The following PARP4 variants were observed in gnomAD, a reference collection of about 807,000 sequenced individuals.
The protein encoded by PARP4 is poly(ADP-ribose) polymerase family member 4, also known as protein mono-ADP-ribosyltransferase PARP4.
A neutral mutation model predicts 187.7 loss-of-function variants in PARP4; 120 were observed. That is an observed-to-expected ratio of 0.64 (90% CI 0.55 to 0.74). The LOEUF is 0.74. PARP4 is among the 30% of genes least tolerant of loss of function. The pLI is 0.00. For missense variants in PARP4, 1,836 were observed against 2,070.5 expected (o/e 0.89, Z 2.20); for synonymous variants, 654 against 740.9 (o/e 0.88, Z 1.90).
At chr13:24,490,991 G>C (rs1337543705) in intron 9 of PARP4, among the ~76,000 whole-genome samples, 163 bp from the exon 10 acceptor site, 1 of 152,126 alleles carries the variant, frequency 6.6e-6, no homozygotes, top group Non-Finnish European at 1.5e-5. Flanking sequence ...ACCCACGCTG[G>C]AGTGTAGTGG....
chr13:24,472,071 C>T (rs566907342), intron 15 of PARP4, among the ~76,000 whole-genome samples: 27 of 152,280 alleles, frequency 1.8e-4, no homozygotes, highest in South Asian at 4.1e-4. Context: ...AGAATCTGGA[C>T]GCTGGAATCA....
At position 24,469,095 on chromosome 13, in the gene PARP4, C is replaced by T. The variant is rs757420560; in HGVS notation, c.2062G>A (p.Glu688Lys). ...GCTTCTAGGTACTCTTGCTGGGCTT[C>T]TTCCTTCTCTTTAATCTGGAAAAGA... ...HIVGEIKEKEEAQQEYLEAVT... is the reference protein window; with the variant it reads ...HIVGEIKEKEKAQQEYLEAVT... The change falls in exon 17 of 34, where the codon GAA becomes AAA. Residue 688 changes from glutamate (E) to lysine (K), a missense_variant. Glu to Lys is a moderately conservative substitution (Grantham distance 56). Around this residue, in one of 8 missense-constraint regions of PARP4, gnomAD observed 1,147 missense variants for 1,214.2 expected, o/e 0.94. Coordinates refer to ENST00000381989, the MANE Select transcript of PARP4 (RefSeq NM_006437.4). 3 of 1,611,490 alleles carry T rather than the reference C, an allele frequency of 1.9e-6. No homozygotes were observed. Among genetic ancestry groups the T allele is most frequent in the Non-Finnish European group, 2.5e-6 (3 of 1,177,598 alleles).
At chr13:24,425,206 T>TGGGAGGATGGCTTGAGCCC (rs566018111) in intron 33 of PARP4, among the ~76,000 whole-genome samples, 3,561 of 152,032 alleles carry the variant, frequency 0.023, 98 homozygotes, top group African/African-American at 0.063. Context: ...GAGGCTGAGG[T>TGGGAGGATGGCTTGAGCCC]GGGAGGATGG....
intron 12 of PARP4, among the ~76,000 whole-genome samples, chr13:24,482,542 A>T (rs1178176683): frequency 6.6e-6 from 1 of 152,264 alleles, no homozygotes; most frequent in Non-Finnish European, 1.5e-5. Flanking sequence ...GTCAGCAGCC[A>T]TAGACATTGA....
In PARP4 at chr13:24,427,920, A is replaced by G. The variant is rs950937929; in HGVS notation, c.4847-1322T>C. Among the ~76,000 whole-genome samples the G allele has an allele frequency of 5.9e-5, 9 of 152,346 alleles. No individual in the cohort carries two copies. In the South Asian group the frequency reaches 1.2e-3, roughly 21 times the overall value. On this transcript the variant is annotated intron_variant, in intron 32 of 33. Coordinates refer to ENST00000381989, the MANE Select transcript of PARP4 (RefSeq NM_006437.4). ...AAGCAATATTAATAATAAGCAACAT[A>G]CAACTCCAAGAATAATATAATAAAT...
At position 24,441,873 on chromosome 13, in the gene PARP4, C is replaced by T. The variant is rs755701150; in HGVS notation, c.3639G>A (p.Gly1213=). 1 of 1,603,690 alleles carries T rather than the reference C, an allele frequency of 6.2e-7. No homozygotes were observed. Among genetic ancestry groups the T allele is most frequent in the African/African-American group, 1.4e-5 (1 of 74,054 alleles). Residue 1213 remains glycine, a synonymous_variant, in exon 30 of 34, where the codon GGG becomes GGA. Coordinates refer to ENST00000381989, the MANE Select transcript of PARP4 (RefSeq NM_006437.4). ...VDFLPYMSWQ[G]EPQEAVRNQS... ...GGTTCCTGACGGCTTCTTGGGGCTC[C>T]CCCTGCCAGCTCATGTAGGGCAGGA...
intron 1 of PARP4, among the ~76,000 whole-genome samples, chr13:24,506,444 C>G (rs1271287602): frequency 6.6e-6 from 1 of 152,018 alleles, no homozygotes; most frequent in Admixed American, 6.5e-5. Flanking sequence ...TGCTTTTATT[C>G]CCTTATGTGG....
rs570554000 is a variant in PARP4 at position 24,478,286 on chromosome 13, A to G, written c.1449-10T>C. 1.3e-6 allele frequency: 2 copies of G among 1,564,054 alleles called. No homozygotes were observed. Among genetic ancestry groups the G allele is most frequent in the East Asian group, 2.3e-5 (1 of 43,814 alleles). On this transcript the variant is annotated splice_polypyrimidine_tract_variant and intron_variant, in intron 12 of 33. Transcript: ENST00000381989. ...GTACTTGATACTTGTACTACATGCG[A>G]AAGGAAATAAACACATATTTACAGC... is the stretch of plus-strand genomic sequence containing the variant.
intron 6 of PARP4, among the ~76,000 whole-genome samples, chr13:24,496,923 T>C (rs1868990370): frequency 2.6e-5 from 4 of 152,060 alleles, no homozygotes; most frequent in Admixed American, 2.6e-4. Context: ...CTCAGGAGGC[T>C]GAGGCACAAG....
In PARP4 at chr13:24,434,759, G is replaced by T. The variant is rs1252448497; in HGVS notation, c.4382C>A (p.Pro1461His). ...GGCTGCGGAAGGTTGAAAATGAAAAGGAGAGGAAGCAGAGGGATGATAAGA... is the reference window on the plus strand; with the variant it reads ...GGCTGCGGAAGGTTGAAAATGAAAATGAGAGGAAGCAGAGGGATGATAAGA... ...FGSYHPSASS[P>H]FHFQPSAASL... is the part of the protein sequence containing the mutation. The change falls in exon 31 of 34, where the codon CCT (proline) becomes CAT (histidine). Residue 1461 changes from proline (P) to histidine (H), a missense_variant. Coordinates refer to ENST00000381989, the MANE Select transcript of PARP4 (RefSeq NM_006437.4). 1.9e-6 allele frequency: 3 copies of T among 1,612,998 alleles called. No individual in the cohort carries two copies. In the East Asian group the frequency reaches 6.7e-5, roughly 36 times the overall value.
rs1177471160 is a variant in PARP4 at position 24,486,159 on chromosome 13, T to C, written c.1352+9A>G. ...GAAATTTTTGAAAAATAAAGATGGCTACTCTTACCGACACAAGATTCCCAC... is the reference window on the plus strand; with the variant it reads ...GAAATTTTTGAAAAATAAAGATGGCCACTCTTACCGACACAAGATTCCCAC... On this transcript the variant is annotated intron_variant, in intron 11 of 33. Transcript: ENST00000381989. 2 of 1,601,584 alleles carry C rather than the reference T, an allele frequency of 1.2e-6. No individual in the cohort carries two copies. Among genetic ancestry groups the C allele is most frequent in the East Asian group, 4.5e-5 (2 of 44,684 alleles).
intron 15 of PARP4, among the ~76,000 whole-genome samples, chr13:24,472,761 A>G (rs1334280634): frequency 3.3e-5 from 5 of 152,100 alleles, no homozygotes; most frequent in African/African-American, 1.2e-4. Flanking sequence ...CCCGCATTAG[A>G]TAACCCTCCT....
At chr13:24,492,159 G>C (rs1408575819) in intron 9 of PARP4, among the ~76,000 whole-genome samples, 1 of 152,218 alleles carries the variant, frequency 6.6e-6, no homozygotes, top group African/African-American at 2.4e-5. Flanking sequence ...ACTCATTCCA[G>C]AGTCTGAAAA....
Position 24,466,211 on chromosome 13 carries a change from G to T in PARP4, c.2133+2813C>A, listed in dbSNP as rs141727363. ...TAATTTTTTTATTTTTTGAGACAGG[G>T]TCTCGCTTTGTTGCCCAGGCTGTGC... On this transcript the variant is annotated intron_variant, in intron 17 of 33. Coordinates refer to ENST00000381989, the MANE Select transcript of PARP4 (RefSeq NM_006437.4). Among the ~76,000 whole-genome samples, 114 of 152,214 alleles carry T rather than the reference G, an allele frequency of 7.5e-4. 1 individual carries two copies. The East Asian group carries it at 7.7e-3, about 10-fold the overall frequency.
At chr13:24,432,369 C>T (rs2137437964) in intron 31 of PARP4, among the ~76,000 whole-genome samples, 1 of 152,138 alleles carries the variant, frequency 6.6e-6, no homozygotes, top group East Asian at 1.9e-4. Context: ...TAAAAAAAAC[C>T]CACTTTATTG....
At chr13:24,511,365 G>A (rs1232655558) in intron 1 of PARP4, among the ~76,000 whole-genome samples, 1 of 152,196 alleles carries the variant, frequency 6.6e-6, no homozygotes, top group East Asian at 1.9e-4. Context: ...ACGTACATAT[G>A]AGATGTGGCG....
At chr13:24,485,159 T>C (rs61948872) in intron 11 of PARP4, among the ~76,000 whole-genome samples, 19,330 of 152,220 alleles carry the variant, frequency 0.13, 1,485 homozygotes, top group Middle Eastern at 0.29. Context: ...TTCCTTGTGG[T>C]TACCCATTTA....
intron 22 of PARP4, 58 bp from the exon 23 acceptor site, chr13:24,453,712 A>G: frequency 1.1e-6 from 1 of 891,028 alleles, no homozygotes; most frequent in Non-Finnish European, 1.9e-6. Context: ...CTTGAGCACT[A>G]ACAAACAATA....
intron 17 of PARP4, among the ~76,000 whole-genome samples, chr13:24,460,841 G>T (rs947305): frequency 0.36 from 54,599 of 151,902 alleles, 10,070 homozygotes; most frequent in Middle Eastern, 0.41. Context: ...ATGCCTGGCT[G>T]ATTTTTAAAT....
Sources: allele counts gnomAD v4.1 joint callset (sites outside exome capture counted in the v4.1 genomes callset), GRCh38; gene constraint gnomAD v4.1.1; regional missense constraint gnomAD v4.1.1; transcripts MANE v1.5; gene names NCBI Gene and HGNC (gene_info 2026-07-23, HGNC 2026-07-21).